The following TSPAN12 variants were observed in gnomAD, a reference collection of about 807,000 sequenced individuals.
The protein encoded by TSPAN12 is tetraspanin 12, also known as tetraspanin-12.
TSPAN12 carries 19 observed loss-of-function variants against 39.2 expected under a neutral mutation model. The observed-to-expected ratio is 0.49, with a 90% CI of 0.34 to 0.71. The LOEUF is 0.71. Among genes scored for constraint, TSPAN12 ranks in the 30% least tolerant of loss-of-function variants. The pLI, the probability that TSPAN12 is intolerant of heterozygous loss-of-function variation, is 0.01. For missense variants in TSPAN12, 314 were observed against 359.9 expected, an observed-to-expected ratio of 0.87 and a Z score of 1.03; for synonymous variants, 119 against 124.8, an observed-to-expected ratio of 0.95 and a Z score of 0.31.
In TSPAN12 at chr7:120,816,640, C is replaced by T. The variant is rs141565246; in HGVS notation, c.286-837G>A. ...GAGAAGAGATCAAAGGTGAAAGATG[C>T]ACTGAAGCCAGATTATGGTGAACTT... On this transcript the variant is annotated intron_variant, in intron 4 of 7. Transcript: ENST00000222747. Among the ~76,000 whole-genome samples, 333 of 152,166 alleles carry T rather than the reference C, an allele frequency of 2.2e-3. 3 individuals are homozygous for T. The highest frequency in any genetic ancestry group is 7.8e-3 in the African/African-American group (323 of 41,510).
chr7:120,849,638 T>C (rs577098538), intron 2 of TSPAN12, among the ~76,000 whole-genome samples: 1 of 152,228 alleles, frequency 6.6e-6, no homozygotes, highest in South Asian at 2.1e-4. Context: ...TACAGCTTTG[T>C]CTGTATAGAA....
intron 6 of TSPAN12, 53 bp from the exon 7 acceptor site, chr7:120,806,745 C>T: frequency 6.2e-7 from 1 of 1,609,350 alleles, no homozygotes; most frequent in Non-Finnish European, 8.5e-7. Flanking sequence ...ATTTTCTTAA[C>T]TTATAGGAGA....
intron 2 of TSPAN12, among the ~76,000 whole-genome samples, chr7:120,842,976 A>G (rs1403710021): frequency 6.6e-6 from 1 of 152,054 alleles, no homozygotes; most frequent in Non-Finnish European, 1.5e-5. Context: ...AGATTATAGT[A>G]ATTAATTACT....
At chr7:120,811,392 G>C (rs914210673) in intron 5 of TSPAN12, among the ~76,000 whole-genome samples, 2 of 152,140 alleles carry the variant, frequency 1.3e-5, no homozygotes, top group African/African-American at 4.8e-5. Flanking sequence ...ATATCAGCTG[G>C]GCATGGTGGC....
chr7:120,815,662 C>CACAAGTATCTAA, intron 5 of TSPAN12, 67 bp downstream of exon 5: 2 of 1,388,660 alleles, frequency 1.4e-6, no homozygotes, highest in Non-Finnish European at 2.0e-6. Flanking sequence ...AATGAACTAA[C>CACAAGTATCTAA]ACAAGTATCT....
chr7:120,850,103 AG>A (rs2116499735), intron 2 of TSPAN12, among the ~76,000 whole-genome samples: 1 of 152,366 alleles, frequency 6.6e-6, no homozygotes, highest in Non-Finnish European at 1.5e-5. Flanking sequence ...GTGAAAGAAT[AG>A]GCAATGTAAA....
intron 4 of TSPAN12, among the ~76,000 whole-genome samples, chr7:120,817,940 G>A (rs1216426358): frequency 6.6e-6 from 1 of 152,050 alleles, no homozygotes; most frequent in Non-Finnish European, 1.5e-5. Context: ...TTAAGTAAAA[G>A]AATAAATGCA....
chr7:120,799,530 A>T (rs1261200361), intron 7 of TSPAN12, among the ~76,000 whole-genome samples: 1 of 110,440 alleles, frequency 9.1e-6, no homozygotes, highest in Non-Finnish European at 1.8e-5. Flanking sequence ...TTAATTATAT[A>T]TAATTATATA....
chr7:120,815,798 A>G lies in TSPAN12; in HGVS notation c.291T>C (p.Phe97=), dbSNP rs1794069103. The part of the protein sequence containing the change: ...KRNLLLLAWY[F]GSLLVIFCVE... ...CACAGAAAATGACAAGCAAACTTCC[A>G]AAGTACTGTAGAAAAACAGAAAAGT... Residue 97 remains phenylalanine, a synonymous_variant, in exon 5 of 8, where the codon TTT becomes TTC. Transcript: ENST00000222747. The G allele has an allele frequency of 6.2e-7, 1 of 1,612,212 alleles. No homozygotes were observed. Among genetic ancestry groups the G allele is most frequent in the African/African-American group, 1.3e-5 (1 of 75,014 alleles).
At chr7:120,802,137 T>C (rs1244762716) in intron 7 of TSPAN12, among the ~76,000 whole-genome samples, 1 of 152,216 alleles carries the variant, frequency 6.6e-6, no homozygotes, top group Non-Finnish European at 1.5e-5. Context: ...AGACAAGAGA[T>C]ACCATAGGCT....
intron 2 of TSPAN12, among the ~76,000 whole-genome samples, chr7:120,844,823 A>G (rs1297482859): frequency 6.6e-6 from 1 of 152,104 alleles, no homozygotes; most frequent in East Asian, 1.9e-4. Context: ...TCTGGAGGAG[A>G]GTGGCCCTCT....
chr7:120,817,737 C>G (rs1417599515), intron 4 of TSPAN12, among the ~76,000 whole-genome samples: 1 of 152,026 alleles, frequency 6.6e-6, no homozygotes. Flanking sequence ...TGAAAATCAT[C>G]CTACTAATTT....
Position 120,853,090 on chromosome 7 carries a change from AT to A in TSPAN12, c.66+3607del, listed in dbSNP as rs11431943. ...ACTATTCTAACAAAAATCCCAGCAGATTTTTTTTTTTTTTTTTAATTTGAGA... is the reference window on the plus strand; with the variant it reads ...ACTATTCTAACAAAAATCCCAGCAGATTTTTTTTTTTTTTTTAATTTGAGA... On this transcript the variant is annotated intron_variant, in intron 2 of 7. Transcript: ENST00000222747. Among the ~76,000 whole-genome samples the A allele has an allele frequency of 6.5e-3, 920 of 141,870 alleles. 4 individuals carry two copies. The highest frequency in any genetic ancestry group is 0.024 in the South Asian group (106 of 4,394). 93.1% of individuals were successfully genotyped at this position (141,870 alleles called of 152,430 possible).
In TSPAN12 at chr7:120,807,753, C is replaced by T. The variant is rs538262710; in HGVS notation, c.469-1061G>A. ...TACCACAAAGTATTTTGCGTTGTTA[C>T]ACTGGCCTAAATGTCTGATTTTTAA... On this transcript the variant is annotated intron_variant, in intron 6 of 7. Transcript: ENST00000222747. Among the ~76,000 whole-genome samples, 4 of 152,056 alleles carry T rather than the reference C, an allele frequency of 2.6e-5. No individual in the cohort carries two copies. In the East Asian group the frequency reaches 7.7e-4, roughly 29 times the overall value.
rs182321796 is a variant in TSPAN12 at position 120,836,727 on chromosome 7, C to T, written c.285+2050G>A. ...TAGTGGCCTTTAGAACCTCAGTCAT[C>T]CCTGCCACTTTTGCATTATAATGCT... On this transcript the variant is annotated intron_variant, in intron 4 of 7. Coordinates refer to ENST00000222747, the MANE Select transcript of TSPAN12 (RefSeq NM_012338.4). 3.5e-4 allele frequency among the ~76,000 whole-genome samples: 54 copies of T among 152,290 alleles called. 1 individual carries two copies. The highest frequency in any genetic ancestry group is 3.4e-3 in the Middle Eastern group (1 of 294).
chr7:120,815,806 G>A lies in TSPAN12; in HGVS notation c.286-3C>T. 1 of 1,611,154 alleles carries A rather than the reference G, an allele frequency of 6.2e-7. No homozygotes were observed. The highest frequency in any genetic ancestry group is 1.1e-5 in the South Asian group (1 of 90,824). ...ATGACAAGCAAACTTCCAAAGTACTGTAGAAAAACAGAAAAGTATGCTGTT... is the reference window on the plus strand; with the variant it reads ...ATGACAAGCAAACTTCCAAAGTACTATAGAAAAACAGAAAAGTATGCTGTT... On this transcript the variant is annotated splice_polypyrimidine_tract_variant and splice_region_variant and intron_variant, in intron 4 of 7. Transcript: ENST00000222747.
At chr7:120,848,599 T>G (rs1204141781) in intron 2 of TSPAN12, among the ~76,000 whole-genome samples, 1 of 152,236 alleles carries the variant, frequency 6.6e-6, no homozygotes, top group East Asian at 1.9e-4. Flanking sequence ...TCAAAAGTAC[T>G]TTAAACTAAA....
intron 5 of TSPAN12, among the ~76,000 whole-genome samples, chr7:120,811,511 A>G (rs1300846685): frequency 6.6e-6 from 1 of 151,966 alleles, no homozygotes; most frequent in African/African-American, 2.4e-5. Flanking sequence ...TACTAAAAAT[A>G]CAAAAAAAAA....
chr7:120,798,516 T>C (rs1488358115), intron 7 of TSPAN12, among the ~76,000 whole-genome samples: 1 of 152,242 alleles, frequency 6.6e-6, no homozygotes, highest in Non-Finnish European at 1.5e-5. Context: ...GGTTTACGGA[T>C]GTTTATCTGA....
Sources: gnomAD v4.1 joint callset for allele counts (sites outside exome capture counted in the v4.1 genomes callset) on GRCh38, gnomAD v4.1.1 for gene constraint, MANE v1.5 for transcripts, NCBI Gene and HGNC (gene_info 2026-07-23, HGNC 2026-07-21) for gene names.